Variants in SIRPA observed in about 807,000 individuals in gnomAD.
SIRPA encodes the protein signal regulatory protein alpha, also known as tyrosine-protein phosphatase non-receptor type substrate 1.
A neutral mutation model predicts 50.3 loss-of-function variants in SIRPA; 9 were observed. That is an observed-to-expected ratio of 0.18 (90% CI 0.11 to 0.31). The LOEUF (loss-of-function observed/expected upper bound fraction) is 0.31, where lower values mean the gene tolerates loss of function less well. SIRPA is among the 10% of genes least tolerant of loss of function. The probability of loss-of-function intolerance (pLI) is 1.00; values close to 1 mark genes in which losing one functional copy is unlikely to be tolerated. For missense variants in SIRPA, 474 were observed against 661.6 expected (o/e 0.72, Z 3.11); for synonymous variants, 265 against 284.1 (o/e 0.93, Z 0.68).
At chr20:1,897,700 T>C (rs1600385888) in intron 1 of SIRPA, among the ~76,000 whole-genome samples, 1 of 151,600 alleles carries the variant, frequency 6.6e-6, no homozygotes, top group African/African-American at 2.4e-5. Context: ...GCCTGGGAGG[T>C]GTCACATGAT....
chr20:1,913,454 TC>T (rs1343737738), intron 1 of SIRPA, among the ~76,000 whole-genome samples: 1 of 152,138 alleles, frequency 6.6e-6, no homozygotes, highest in Non-Finnish European at 1.5e-5. Flanking sequence ...GTCTCTCTCC[TC>T]CCCAGCCAGA....
intron 1 of SIRPA, among the ~76,000 whole-genome samples, chr20:1,907,984 C>T (rs1173762080): frequency 1.3e-5 from 2 of 152,222 alleles, no homozygotes; most frequent in African/African-American, 4.8e-5. Flanking sequence ...TGGTTCTGGG[C>T]TAGCCTGTTG....
chr20:1,897,480 G>A (rs985940381), intron 1 of SIRPA, among the ~76,000 whole-genome samples: 3 of 152,254 alleles, frequency 2.0e-5, no homozygotes, highest in Admixed American at 6.5e-5. Context: ...TTGGCTGAAG[G>A]ATGGGGCCTC....
At chr20:1,896,479 A>G (rs566490913) in intron 1 of SIRPA, among the ~76,000 whole-genome samples, 1 of 151,702 alleles carries the variant, frequency 6.6e-6, no homozygotes, top group Non-Finnish European at 1.5e-5. Context: ...GAGAAATGGC[A>G]TTAAGGGAGT....
intron 2 of SIRPA, among the ~76,000 whole-genome samples, chr20:1,919,563 G>T (rs7274853): frequency 0.14 from 22,035 of 152,230 alleles, 2,078 homozygotes; most frequent in Admixed American, 0.22. Flanking sequence ...CAGCCTCAGT[G>T]TGGGGAAACC....
chr20:1,924,728 T>C lies in SIRPA; in HGVS notation c.1088-36T>C, dbSNP rs1231498023. 1 of 1,564,944 alleles carries C rather than the reference T, an allele frequency of 6.4e-7. No homozygotes were observed. Among genetic ancestry groups the C allele is most frequent in the African/African-American group, 1.4e-5 (1 of 73,884 alleles). ...TGGGTTTGGTTTTCTGTTTTTAATC[T>C]GCATACGTGAAGCCTCTATTCCATG... On this transcript the variant is annotated intron_variant, in intron 4 of 7. Transcript: ENST00000358771. This position sits in a 1 kb window ranked among gnomAD's most constrained non-coding sequence, Gnocchi z 4.5.
At chr20:1,914,759 G>A (rs1023500752) in intron 1 of SIRPA, among the ~76,000 whole-genome samples, 2 of 151,948 alleles carry the variant, frequency 1.3e-5, no homozygotes, top group African/African-American at 2.4e-5. Flanking sequence ...CTGAGTCTTT[G>A]CCCAGGCTGT....
In SIRPA at chr20:1,934,602, G is replaced by A. The variant is rs77686706; in HGVS notation, c.1227-113G>A. 4.7e-3 allele frequency: 4,545 copies of A among 962,848 alleles called. 149 individuals are homozygous for A. The African/African-American group carries it at 0.066, about 14-fold the overall frequency. 59.6% of individuals were successfully genotyped at this position (962,848 alleles called of 1,614,324 possible). ...GTTGTATTTCTGTTATGAGTCCTTC[G>A]TTCATGTCCTCAACCCATATAGAAA... is the stretch of plus-strand genomic sequence containing the variant. On this transcript the variant is annotated intron_variant, in intron 6 of 7. Transcript: ENST00000358771. The surrounding 1 kb of genome is among the most constrained non-coding windows in gnomAD (Gnocchi z 4.6).
chr20:1,908,280 C>G (rs1205368226), intron 1 of SIRPA, among the ~76,000 whole-genome samples: 2 of 152,074 alleles, frequency 1.3e-5, no homozygotes, highest in Non-Finnish European at 2.9e-5. Context: ...GTGCATACCT[C>G]CCTGCTTGTC....
chr20:1,937,690 C>A lies in SIRPA; in HGVS notation c.*122C>A. 7.5e-7 allele frequency: 1 copy of A among 1,340,754 alleles called. No homozygotes were observed. Among genetic ancestry groups the A allele is most frequent in the Non-Finnish European group, 1.0e-6 (1 of 988,540 alleles). The allele number at this position is 1,340,754 out of a possible 1,614,324, so 83.1% of individuals were successfully genotyped here. On this transcript the variant is annotated 3_prime_UTR_variant, in exon 8 of 8. Coordinates refer to ENST00000358771, the MANE Select transcript of SIRPA (RefSeq NM_001040023.2). This position sits in a 1 kb window ranked among gnomAD's most constrained non-coding sequence, Gnocchi z 8.3. The stretch of plus-strand genomic sequence containing the variant: ...CTGGGGCGGTGCAGGCTCTGGGACC[C>A]AGGGGCCAGGGTGGCTCTTCTCTCC...
chr20:1,904,097 T>C (rs1392733069), intron 1 of SIRPA, among the ~76,000 whole-genome samples: 1 of 152,080 alleles, frequency 6.6e-6, no homozygotes, highest in Non-Finnish European at 1.5e-5. Context: ...GAGCAAAGCT[T>C]ATTCCCTAAC....
chr20:1,936,644 A>G lies in SIRPA; in HGVS notation c.1267-676A>G, dbSNP rs3828016. 0.67 allele frequency among the ~76,000 whole-genome samples: 101,645 copies of G among 152,128 alleles called. 34,772 individuals carry two copies. Among genetic ancestry groups the G allele is most frequent in the African/African-American group, 0.81 (33,578 of 41,510 alleles). Reference sequence around the variant, plus strand: ...GGTGAAATTATTGCCATCCACTCATATATTCATTCAATATGGATCAGACTT... The same window carrying G: ...GGTGAAATTATTGCCATCCACTCATGTATTCATTCAATATGGATCAGACTT... On this transcript the variant is annotated intron_variant, in intron 7 of 7. Coordinates refer to ENST00000358771, the MANE Select transcript of SIRPA (RefSeq NM_001040023.2). The surrounding 1 kb of genome is among the most constrained non-coding windows in gnomAD (Gnocchi z 4.2).
At chr20:1,919,118 T>C (rs1985492220) in intron 2 of SIRPA, among the ~76,000 whole-genome samples, 1 of 152,170 alleles carries the variant, frequency 6.6e-6, no homozygotes, top group Non-Finnish European at 1.5e-5. Context: ...CAACCTCAGA[T>C]GGGTTAGTGC....
Position 1,922,639 on chromosome 20 carries a change from G to T in SIRPA, c.1081G>T (p.Ala361Ser), listed in dbSNP as rs981667353. The T allele has an allele frequency of 6.2e-7, 1 of 1,611,666 alleles. No individual in the cohort carries two copies. Among genetic ancestry groups the T allele is most frequent in the Non-Finnish European group, 8.5e-7 (1 of 1,178,744 alleles). ...CCCGAAGGAGCAGGGCTCAAATACCGCCGCTGGTGAGGCCTCTATTTCAGC... is the reference window on the plus strand; with the variant it reads ...CCCGAAGGAGCAGGGCTCAAATACCTCCGCTGGTGAGGCCTCTATTTCAGC... Reference protein sequence around the residue: ...AHPKEQGSNTAAENTGSNERN... With the variant: ...AHPKEQGSNTSAENTGSNERN... The change falls in exon 4 of 8, where the codon GCC becomes TCC. Residue 361 changes from alanine (A) to serine (S), a missense_variant. This residue lies in a region of SIRPA where 180 missense variants were observed against 206.7 expected (regional missense o/e 0.87). Coordinates refer to ENST00000358771, the MANE Select transcript of SIRPA (RefSeq NM_001040023.2).
chr20:1,898,023 T>G lies in SIRPA; in HGVS notation c.79+2497T>G, dbSNP rs559899052. ...GACGCTGAACCCGCAGGATGCCTGC[T>G]TGGCCCCAGGTAGGCCTTGAGACCT... On this transcript the variant is annotated intron_variant, in intron 1 of 7. Coordinates refer to ENST00000358771, the MANE Select transcript of SIRPA (RefSeq NM_001040023.2). The surrounding 1 kb of genome is among the most constrained non-coding windows in gnomAD (Gnocchi z 4.3). Among the ~76,000 whole-genome samples the G allele has an allele frequency of 4.6e-5, 7 of 152,350 alleles. No individual in the cohort carries two copies. The South Asian group carries it at 1.5e-3, about 32-fold the overall frequency.
upstream of SIRPA, chr20:1,894,603 T>G (rs1246468258): frequency 6.6e-6 from 1 of 151,120 alleles, no homozygotes; most frequent in African/African-American, 2.4e-5. This position sits in a 1 kb window ranked among gnomAD's most constrained non-coding sequence, Gnocchi z 4.0. Flanking sequence ...ACGGGCACGC[T>G]GTCGGAGCCG....
Position 1,924,620 on chromosome 20 carries a change from T to G in SIRPA, c.1088-144T>G, listed in dbSNP as rs1343212866. ...GCAAGTGTGTACAGACCCATGAGTG[T>G]GCCCATGTGGCTCGAGACATCTAAG... On this transcript the variant is annotated intron_variant, in intron 4 of 7. Coordinates refer to ENST00000358771, the MANE Select transcript of SIRPA (RefSeq NM_001040023.2). The surrounding 1 kb of genome is among the most constrained non-coding windows in gnomAD (Gnocchi z 4.5). 1 of 667,794 alleles carries G rather than the reference T, an allele frequency of 1.5e-6. No homozygotes were observed. Among genetic ancestry groups the G allele is most frequent in the African/African-American group, 1.8e-5 (1 of 55,984 alleles). 41.4% of individuals were successfully genotyped at this position (667,794 alleles called of 1,614,324 possible).
intron 7 of SIRPA, among the ~76,000 whole-genome samples, chr20:1,935,259 G>T: frequency 6.6e-6 from 1 of 152,334 alleles, no homozygotes; most frequent in Non-Finnish European, 1.5e-5. Flanking sequence ...TCAAGCTGGA[G>T]GTTTCTGGTC....
chr20:1,908,947 A>G (rs974217233), intron 1 of SIRPA, among the ~76,000 whole-genome samples: 1 of 152,114 alleles, frequency 6.6e-6, no homozygotes, highest in African/African-American at 2.4e-5. Context: ...TCCTGTGAGC[A>G]CCCTCTTTAA....
Sources: gnomAD v4.1 joint callset for allele counts (sites outside exome capture counted in the v4.1 genomes callset) on GRCh38, gnomAD v4.1.1 for gene constraint, gnomAD v4.1.1 regional missense constraint, Gnocchi (gnomAD v3.1) non-coding constraint, MANE v1.5 for transcripts, NCBI Gene and HGNC (gene_info 2026-07-23, HGNC 2026-07-21) for gene names.